NRDC: variants seen among roughly 807,000 people sequenced by gnomAD.
NRDC encodes nardilysin.
Under a neutral mutation model 147.1 loss-of-function variants are expected in NRDC, and 54 were observed. That is an observed-to-expected ratio of 0.37 (90% CI 0.29 to 0.46). The LOEUF is 0.46. Among genes scored for constraint, NRDC ranks in the 20% least tolerant of loss-of-function variants. The probability of loss-of-function intolerance (pLI) is 1.00; values close to 1 mark genes in which losing one functional copy is unlikely to be tolerated. For missense variants in NRDC, 1,082 were observed against 1,370.6 expected (o/e 0.79, Z 3.33); for synonymous variants, 440 against 482.1 (o/e 0.91, Z 1.14).
intron 27 of NRDC, 80 bp from the exon 28 acceptor site, chr1:51,791,070 G>T: frequency 1.0e-6 from 1 of 986,118 alleles, no homozygotes; most frequent in Non-Finnish European, 1.6e-6. Context: ...CAGGCAGAAG[G>T]CAAAAGAAGG....
intron 1 of NRDC, among the ~76,000 whole-genome samples, chr1:51,848,332 T>TAAAAA (rs1335085569): frequency 7.2e-5 from 11 of 151,748 alleles, no homozygotes; most frequent in African/African-American, 2.2e-4. Context: ...AAAAAGAAAA[T>TAAAAA]TAGACAGGCG....
At chr1:51,789,812 G>T in intron 29 of NRDC, 155 bp from the exon 30 acceptor site, 1 of 612,708 alleles carries the variant, frequency 1.6e-6, no homozygotes, top group Non-Finnish European at 2.9e-6. Flanking sequence ...AGACCAAAAC[G>T]ATGATGAAGC....
intron 1 of NRDC, among the ~76,000 whole-genome samples, chr1:51,842,198 AT>A (rs1179674017): frequency 6.6e-6 from 1 of 151,902 alleles, no homozygotes; most frequent in Non-Finnish European, 1.5e-5. Flanking sequence ...ATAATAAAAA[AT>A]AATCACATTT....
chr1:51,878,684 T>C lies in NRDC; in HGVS notation c.-69A>G. On this transcript the variant is annotated 5_prime_UTR_variant, in exon 1 of 31. Coordinates refer to ENST00000352171, the MANE Select transcript of NRDC (RefSeq NM_001101662.2). ...CACCTCCTCCGCGTTCTAGAGGCGG[T>C]GGCGGCCGGCCCTGGTGCTGCCGCA... 1 of 1,413,882 alleles carries C rather than the reference T, an allele frequency of 7.1e-7. No homozygotes were observed. Among genetic ancestry groups the C allele is most frequent in the Non-Finnish European group, 9.7e-7 (1 of 1,035,378 alleles). The allele number at this position is 1,413,882 out of a possible 1,614,324, so 87.6% of individuals were successfully genotyped here. A position where few individuals can be genotyped will look rare whatever the true frequency, so the allele number is the denominator to read the frequency against.
chr1:51,843,680 A>G (rs1010499991), intron 1 of NRDC, among the ~76,000 whole-genome samples: 3 of 152,142 alleles, frequency 2.0e-5, no homozygotes, highest in Non-Finnish European at 4.4e-5. Context: ...ATGAGGGTTG[A>G]AAAAAATTAT....
At chr1:51,822,648 C>T (rs1432598365) in intron 7 of NRDC, among the ~76,000 whole-genome samples, 1 of 152,132 alleles carries the variant, frequency 6.6e-6, no homozygotes, top group Non-Finnish European at 1.5e-5. Context: ...AACAGAATAA[C>T]TAGTTCAAGA....
In NRDC at chr1:51,814,539, A is replaced by C; in HGVS notation, c.1619+12T>G. On this transcript the variant is annotated intron_variant, in intron 13 of 30. Coordinates refer to ENST00000352171, the MANE Select transcript of NRDC (RefSeq NM_001101662.2). ...ACTGGCTCCTGGCCTCATTCCAGGA[A>C]GTGTTTATTACCTTTTTTCTGGGCC... 3 of 1,612,068 alleles carry C rather than the reference A, an allele frequency of 1.9e-6. No homozygotes were observed. The highest frequency in any genetic ancestry group is 2.5e-6 in the Non-Finnish European group (3 of 1,178,344).
At chr1:51,812,528 CAA>C (rs953264966) in intron 14 of NRDC, among the ~76,000 whole-genome samples, 1 of 142,206 alleles carries the variant, frequency 7.0e-6, no homozygotes. Flanking sequence ...ACCCTATCTC[CAA>C]AAAAAAAAAA....
chr1:51,872,348 A>G (rs1402162957), intron 1 of NRDC, among the ~76,000 whole-genome samples: 1 of 152,130 alleles, frequency 6.6e-6, no homozygotes, highest in Non-Finnish European at 1.5e-5. Context: ...ACACACACAC[A>G]CACAACTTCA....
intron 4 of NRDC, among the ~76,000 whole-genome samples, chr1:51,831,368 A>G (rs1405531329): frequency 6.6e-6 from 1 of 152,130 alleles, no homozygotes; most frequent in Non-Finnish European, 1.5e-5. Context: ...TAAAAATTCA[A>G]CTTGTCTTCT....
Position 51,794,546 on chromosome 1 carries a change from T to C in NRDC, c.2701A>G (p.Ser901Gly), listed in dbSNP as rs147279383. The change falls in exon 24 of 31, where the codon AGT becomes GGT. Residue 901 changes from serine to glycine, a missense_variant. Physicochemically the swap from Ser to Gly is moderately conservative, Grantham distance 56. Coordinates refer to ENST00000352171, the MANE Select transcript of NRDC (RefSeq NM_001101662.2). ...TTCACTTTGCATAGATGGTGGCCAC[T>C]GGGCAGCTCTACCACCTGGAACTGC... ...PVQFQVVELP[S>G]GHHLCKVKAL... 3.1e-6 allele frequency: 5 copies of C among 1,614,050 alleles called. No individual in the cohort carries two copies. The African/African-American group carries it at 6.7e-5, about 22-fold the overall frequency.
At chr1:51,796,908 G>C (rs1000755211) in intron 22 of NRDC, among the ~76,000 whole-genome samples, 4 of 147,432 alleles carry the variant, frequency 2.7e-5, no homozygotes, top group South Asian at 4.6e-4. Flanking sequence ...TTTTAAAAGT[G>C]TGCAGTTCAG....
chr1:51,795,239 A>G lies in NRDC; in HGVS notation c.2605-385T>C, dbSNP rs1376768904. 3 of 1,287,234 alleles carry G rather than the reference A, an allele frequency of 2.3e-6. No homozygotes were observed. In the Admixed American group the frequency reaches 6.9e-5, roughly 30 times the overall value. The allele number at this position is 1,287,234 out of a possible 1,614,324, so 79.7% of individuals were successfully genotyped here. A position where few individuals can be genotyped will look rare whatever the true frequency, so the allele number is the denominator to read the frequency against. On this transcript the variant is annotated intron_variant, in intron 22 of 30. Coordinates refer to ENST00000352171, the MANE Select transcript of NRDC (RefSeq NM_001101662.2). ...TAAAGCAAAGAAAATAACATTTAAT[A>G]CTGAGTGAATACATCCTCTTCCCTT...
intron 1 of NRDC, among the ~76,000 whole-genome samples, chr1:51,849,157 C>A: frequency 6.6e-6 from 1 of 151,370 alleles, no homozygotes. Context: ...GAGGCCGAGA[C>A]GGGCGGATCA....
rs143108204 is a variant in NRDC, at chr1:51,846,746, C to G, written c.342-6232G>C. Among the ~76,000 whole-genome samples, 177 of 152,354 alleles carry G rather than the reference C, an allele frequency of 1.2e-3. 3 individuals are homozygous for G. In the East Asian group the frequency reaches 0.033, roughly 28 times the overall value. On this transcript the variant is annotated intron_variant, in intron 1 of 30. Transcript: ENST00000352171. ...GGAACTCGACCCAAGTGGGTTATCA[C>G]CCCAGGAGCCTGCAGCCTGCTTTTA...
chr1:51,816,577 T>C (rs556818213), intron 10 of NRDC, among the ~76,000 whole-genome samples, 188 bp from the exon 11 acceptor site: 3 of 152,210 alleles, frequency 2.0e-5, no homozygotes, highest in Non-Finnish European at 4.4e-5. Flanking sequence ...TAAAATTAAC[T>C]CTTTCATTTG....
chr1:51,825,268 GATGT>G lies in NRDC; in HGVS notation c.1036+15_1036+18del. 1 of 1,310,376 alleles carries G rather than the reference GATGT, an allele frequency of 7.6e-7. No individual in the cohort carries two copies. Among genetic ancestry groups the G allele is most frequent in the Non-Finnish European group, 1.1e-6 (1 of 922,316 alleles). 81.2% of individuals were successfully genotyped at this position (1,310,376 alleles called of 1,614,324 possible). ...TTAACTAGAAAATATGAAATAAGAT[GATGT>G]ATTTAGTATCTTACCCCAAAAAAAT... On this transcript the variant is annotated intron_variant, in intron 6 of 30. Coordinates refer to ENST00000352171, the MANE Select transcript of NRDC (RefSeq NM_001101662.2).
intron 26 of NRDC, 135 bp from the exon 27 acceptor site, chr1:51,791,796 T>C: frequency 1.3e-6 from 1 of 749,842 alleles, no homozygotes; most frequent in Non-Finnish European, 2.2e-6. Flanking sequence ...GACCCAAAAA[T>C]GTTAAGGTGT....
intron 1 of NRDC, among the ~76,000 whole-genome samples, chr1:51,866,987 T>C (rs1344916823): frequency 6.6e-6 from 1 of 152,132 alleles, no homozygotes; most frequent in Non-Finnish European, 1.5e-5. Context: ...ATGCCATATA[T>C]ATTCAAAGAC....
Sources: gnomAD v4.1 joint callset for allele counts (sites outside exome capture counted in the v4.1 genomes callset) on GRCh38, gnomAD v4.1.1 for gene constraint, MANE v1.5 for transcripts, NCBI Gene and HGNC (gene_info 2026-07-23, HGNC 2026-07-21) for gene names.